TMEM232: variants seen among roughly 807,000 people sequenced by gnomAD.
TMEM232 encodes transmembrane protein 232.
Under a neutral mutation model 78.8 loss-of-function variants are expected in TMEM232, and 80 were observed. That is an observed-to-expected ratio of 1.01 (90% confidence interval 0.85 to 1.22). TMEM232 has a LOEUF of 1.22. Among genes scored for constraint, TMEM232 ranks in the 50% most tolerant of loss-of-function variants. The pLI is 0.00. For synonymous variants in TMEM232, 297 were observed against 254.3 expected (o/e 1.17, Z -1.60); for missense variants, 881 against 742.2 (o/e 1.19, Z -2.17).
intron 12 of TMEM232, among the ~76,000 whole-genome samples, chr5:110,521,909 T>C (rs1392308474): frequency 6.6e-6 from 1 of 152,192 alleles, no homozygotes; most frequent in African/African-American, 2.4e-5. Context: ...TACAGGTATA[T>C]TCTTCCTTCT....
chr5:110,619,194 C>A (rs1783328292), intron 7 of TMEM232, among the ~76,000 whole-genome samples: 1 of 152,092 alleles, frequency 6.6e-6, no homozygotes, highest in African/African-American at 2.4e-5. Context: ...AAATACACAT[C>A]CTGTGATAGG....
At chr5:110,620,223 T>C (rs1209792974) in intron 7 of TMEM232, among the ~76,000 whole-genome samples, 1 of 152,188 alleles carries the variant, frequency 6.6e-6, no homozygotes, top group Non-Finnish European at 1.5e-5. Context: ...TGGGATTGAT[T>C]TGACATACTA....
chr5:110,563,836 T>G (rs376881728), intron 11 of TMEM232, among the ~76,000 whole-genome samples: 1 of 151,940 alleles, frequency 6.6e-6, no homozygotes, highest in African/African-American at 2.4e-5. Flanking sequence ...AGCACGTCCA[T>G]GAAATTCAAG....
intron 1 of TMEM232, among the ~76,000 whole-genome samples, chr5:110,715,383 A>G (rs1042231852): frequency 1.3e-5 from 2 of 152,208 alleles, no homozygotes; most frequent in East Asian, 1.9e-4. Flanking sequence ...ACCAGTGAAC[A>G]TAAGAAATAA....
At chr5:110,424,944 A>T in intron 12 of TMEM232, 28 bp from the exon 13 acceptor site, 1 of 1,482,918 alleles carries the variant, frequency 6.7e-7, no homozygotes, top group Non-Finnish European at 9.2e-7. Flanking sequence ...AACAAATCCA[A>T]CATTAGGTAT....
chr5:110,671,319 C>A (rs578002825), intron 1 of TMEM232, among the ~76,000 whole-genome samples: 1 of 152,122 alleles, frequency 6.6e-6, no homozygotes, highest in Non-Finnish European at 1.5e-5. Flanking sequence ...ATTAGGTCAA[C>A]CATTGTGGAA....
intron 3 of TMEM232, among the ~76,000 whole-genome samples, chr5:110,395,721 A>T (rs1441957629): frequency 6.6e-6 from 1 of 152,178 alleles, no homozygotes; most frequent in East Asian, 1.9e-4. Context: ...TTAGCTGGGC[A>T]TGTGACAAGT....
intron 1 of TMEM232, among the ~76,000 whole-genome samples, chr5:110,715,941 T>C (rs1335169908): frequency 6.6e-6 from 1 of 152,174 alleles, no homozygotes; most frequent in Non-Finnish European, 1.5e-5. Context: ...TCCTTTCTAC[T>C]GATAATAACT....
chr5:110,597,799 C>G (rs1374403308), intron 10 of TMEM232, among the ~76,000 whole-genome samples: 4 of 152,146 alleles, frequency 2.6e-5, no homozygotes, highest in Non-Finnish European at 5.9e-5. Flanking sequence ...GCTGGGAAAA[C>G]TGGCTAGCCA....
At chr5:110,535,226 G>C (rs112701811) in intron 11 of TMEM232, among the ~76,000 whole-genome samples, 2,034 of 152,052 alleles carry the variant, frequency 0.013, 42 homozygotes, top group African/African-American at 0.046. Flanking sequence ...CACAAAAGAA[G>C]TGAAAATGGC....
intron 12 of TMEM232, among the ~76,000 whole-genome samples, chr5:110,475,874 A>C (rs1325088004): frequency 6.6e-6 from 1 of 151,972 alleles, no homozygotes; most frequent in Admixed American, 6.6e-5. Flanking sequence ...CGGAAAAATC[A>C]ATTTCTAACC....
intron 1 of TMEM232, among the ~76,000 whole-genome samples, chr5:110,675,406 G>A (rs551856570): frequency 6.6e-6 from 1 of 152,238 alleles, no homozygotes; most frequent in East Asian, 1.9e-4. Context: ...ATCGCTTGGA[G>A]TAGTTATTCA....
At chr5:110,655,010 T>C (rs1276881484) in intron 2 of TMEM232, among the ~76,000 whole-genome samples, 1 of 152,128 alleles carries the variant, frequency 6.6e-6, no homozygotes, top group Non-Finnish European at 1.5e-5. Context: ...ACTTCATGTC[T>C]AAAACACCAA....
At chr5:110,664,764 G>C (rs545885438) in intron 2 of TMEM232, among the ~76,000 whole-genome samples, 49 of 152,246 alleles carry the variant, frequency 3.2e-4, no homozygotes, top group African/African-American at 1.1e-3. Context: ...ACTAAGTGCT[G>C]GTAGCTCTTC....
At chr5:110,579,814 T>C (rs1777973409) in intron 10 of TMEM232, among the ~76,000 whole-genome samples, 1 of 151,658 alleles carries the variant, frequency 6.6e-6, no homozygotes, top group African/African-American at 2.4e-5. Context: ...TAAATCCTTA[T>C]ATATCAATAA....
chr5:110,642,812 G>A (rs1786929455), intron 2 of TMEM232, among the ~76,000 whole-genome samples: 1 of 152,100 alleles, frequency 6.6e-6, no homozygotes. Flanking sequence ...AGGGAAGAAA[G>A]AAGTATAAGT....
At chr5:110,522,637 G>A (rs984138051) in intron 12 of TMEM232, among the ~76,000 whole-genome samples, 2 of 152,000 alleles carry the variant, frequency 1.3e-5, no homozygotes, top group African/African-American at 4.8e-5. Context: ...GTTGAATATT[G>A]TCAAATGCCT....
At chr5:110,501,244 A>C (rs1766228273) in intron 12 of TMEM232, among the ~76,000 whole-genome samples, 1 of 152,174 alleles carries the variant, frequency 6.6e-6, no homozygotes, top group Non-Finnish European at 1.5e-5. Context: ...AATGCTGAAG[A>C]AGCACTTGGG....
chr5:110,499,857 T>G (rs1035604213), intron 12 of TMEM232, among the ~76,000 whole-genome samples: 1 of 152,124 alleles, frequency 6.6e-6, no homozygotes, highest in African/African-American at 2.4e-5. Flanking sequence ...ATAGTCAATA[T>G]AGAGAATATT....
Sources: allele counts gnomAD v4.1 joint callset (sites outside exome capture counted in the v4.1 genomes callset), GRCh38; gene constraint gnomAD v4.1.1; transcripts MANE v1.5; gene names NCBI Gene and HGNC (gene_info 2026-07-23, HGNC 2026-07-21).